Variants in TNRC6B observed in about 807,000 individuals in gnomAD.
TNRC6B encodes trinucleotide repeat-containing gene 6B protein.
Under a neutral mutation model 203.6 loss-of-function variants are expected in TNRC6B, and 52 were observed. The ratio of observed to expected loss-of-function variants is 0.26; its 90% CI spans 0.20 to 0.32. TNRC6B has a LOEUF of 0.32. TNRC6B is among the 10% of genes least tolerant of loss of function. The pLI is 1.00. For missense variants in TNRC6B, 1,923 were observed against 2,286.2 expected, an observed-to-expected ratio of 0.84 and a Z score of 3.24; for synonymous variants, 838 against 845.7, an observed-to-expected ratio of 0.99 and a Z score of 0.16.
chr22:40,107,962 T>C (rs900420529), intron 1 of TNRC6B, among the ~76,000 whole-genome samples: 8 of 150,884 alleles, frequency 5.3e-5, no homozygotes, highest in Non-Finnish European at 2.9e-5. Flanking sequence ...GTTTTTACAG[T>C]GCGCAAGATG....
intron 1 of TNRC6B, among the ~76,000 whole-genome samples, chr22:40,050,860 T>C (rs1371574305): frequency 6.6e-6 from 1 of 151,718 alleles, no homozygotes; most frequent in Non-Finnish European, 1.5e-5. Flanking sequence ...AGTCTCGCTC[T>C]GTTGCCCAGG....
intron 12 of TNRC6B, 36 bp downstream of exon 12, chr22:40,285,806 A>T: frequency 6.2e-7 from 1 of 1,610,666 alleles, no homozygotes; most frequent in Non-Finnish European, 8.5e-7. Context: ...TCAAAATGAA[A>T]GACCATTTCA....
At chr22:40,248,309 C>G (rs1255658065) in intron 2 of TNRC6B, among the ~76,000 whole-genome samples, 2 of 152,174 alleles carry the variant, frequency 1.3e-5, no homozygotes, top group Non-Finnish European at 2.9e-5. Context: ...TGAAAGTTTT[C>G]TTTCCTTAGG....
chr22:40,051,744 A>G (rs2067746433), intron 1 of TNRC6B, among the ~76,000 whole-genome samples: 2 of 152,240 alleles, frequency 1.3e-5, no homozygotes, highest in Non-Finnish European at 2.9e-5. Flanking sequence ...TATGAGCCAC[A>G]TATGTATAGA....
intron 1 of TNRC6B, among the ~76,000 whole-genome samples, chr22:40,069,984 G>A (rs890817563): frequency 6.6e-6 from 1 of 152,100 alleles, no homozygotes; most frequent in African/African-American, 2.4e-5. Flanking sequence ...AACTAATTAT[G>A]TTTTATGTAG....
At chr22:40,104,522 C>T (rs1365862884) in intron 1 of TNRC6B, among the ~76,000 whole-genome samples, 1 of 152,158 alleles carries the variant, frequency 6.6e-6, no homozygotes, top group African/African-American at 2.4e-5. Context: ...CAAATATTCA[C>T]TGAATATCTG....
chr22:40,167,308 G>T (rs2068928146), intron 4 of TNRC6B, among the ~76,000 whole-genome samples: 1 of 152,154 alleles, frequency 6.6e-6, no homozygotes, highest in Non-Finnish European at 1.5e-5. Context: ...AACCATAATG[G>T]CAAGAAAGTT....
intron 3 of TNRC6B, among the ~76,000 whole-genome samples, chr22:40,149,482 T>C (rs2068726994): frequency 6.6e-6 from 1 of 151,736 alleles, no homozygotes; most frequent in South Asian, 2.1e-4. Context: ...GCCTGGCCAA[T>C]ATGGTGAAAC....
At chr22:40,142,940 C>T (rs910781033) in intron 3 of TNRC6B, among the ~76,000 whole-genome samples, 3 of 152,192 alleles carry the variant, frequency 2.0e-5, no homozygotes, top group Non-Finnish European at 4.4e-5. Context: ...TGAGGTGTAT[C>T]ACAGAGCTAA....
intron 3 of TNRC6B, among the ~76,000 whole-genome samples, chr22:40,254,641 A>G (rs1299027833): frequency 6.6e-6 from 1 of 152,210 alleles, no homozygotes; most frequent in East Asian, 1.9e-4. Flanking sequence ...TAATGCCAAC[A>G]CTTTGGGAGG....
At chr22:40,222,693 C>T (rs2069726409) in intron 1 of TNRC6B, among the ~76,000 whole-genome samples, 1 of 142,212 alleles carries the variant, frequency 7.0e-6, no homozygotes, top group African/African-American at 2.6e-5. Flanking sequence ...CAGTTTCCCC[C>T]ATTGGTAACA....
At chr22:40,322,165 G>C (rs959687457) in intron 22 of TNRC6B, among the ~76,000 whole-genome samples, 1 of 152,214 alleles carries the variant, frequency 6.6e-6, no homozygotes, top group East Asian at 1.9e-4. Context: ...GGGAAAGAAA[G>C]AGACCATATT....
chr22:40,301,042 G>GGA (rs763353271), intron 14 of TNRC6B, 37 bp downstream of exon 14: 9 of 1,597,988 alleles, frequency 5.6e-6, no homozygotes, highest in Non-Finnish European at 1.7e-6. Flanking sequence ...GTGCTGTGTT[G>GGA]GAGGAGTACA....
chr22:40,194,829 T>C (rs915952664), intron 1 of TNRC6B, among the ~76,000 whole-genome samples: 1 of 152,212 alleles, frequency 6.6e-6, no homozygotes. Flanking sequence ...GGGAGACTTT[T>C]AGGCACTGTG....
chr22:40,248,201 T>C (rs2070135879), intron 2 of TNRC6B, among the ~76,000 whole-genome samples: 1 of 152,236 alleles, frequency 6.6e-6, no homozygotes, highest in South Asian at 2.1e-4. Context: ...TGTGGGTGTT[T>C]GTAGCATTGC....
At chr22:40,279,892 C>A in intron 9 of TNRC6B, 103 bp from the exon 10 acceptor site, 1 of 979,170 alleles carries the variant, frequency 1.0e-6, no homozygotes, top group Non-Finnish European at 1.6e-6. Context: ...ATATTAATAG[C>A]TTATACCCAG....
At chr22:40,137,673 A>C (rs999591974) in intron 3 of TNRC6B, among the ~76,000 whole-genome samples, 3 of 152,092 alleles carry the variant, frequency 2.0e-5, no homozygotes, top group Non-Finnish European at 2.9e-5. Context: ...AAACCTGATG[A>C]TCTGATGCAT....
intron 19 of TNRC6B, 43 bp downstream of exon 19, chr22:40,313,040 T>A: frequency 6.7e-7 from 1 of 1,481,556 alleles, no homozygotes; most frequent in Non-Finnish European, 9.4e-7. Flanking sequence ...TAGCACTTTT[T>A]CATCAGGTTC....
intron 4 of TNRC6B, among the ~76,000 whole-genome samples, chr22:40,264,424 A>G (rs956788210): frequency 1.3e-5 from 2 of 152,190 alleles, no homozygotes; most frequent in African/African-American, 4.8e-5. Flanking sequence ...CCTTGTCCCA[A>G]GATACAAGAA....
Sources: allele counts gnomAD v4.1 joint callset (sites outside exome capture counted in the v4.1 genomes callset), GRCh38; gene constraint gnomAD v4.1.1; transcripts MANE v1.5; gene names NCBI Gene and HGNC (gene_info 2026-07-23, HGNC 2026-07-21).